Variants in TAOK3 observed in about 807,000 individuals in gnomAD.
The protein encoded by TAOK3 is serine/threonine-protein kinase TAO3.
In TAOK3, 40 loss-of-function variants were observed where a neutral mutation model predicts 120.4. The observed-to-expected ratio is 0.33, with a 90% CI of 0.26 to 0.43. TAOK3 has a LOEUF of 0.43. Ranked by LOEUF, TAOK3 falls within the 20% of genes least tolerant of loss-of-function variation. TAOK3 has a pLI of 1.00. For synonymous variants in TAOK3, 355 were observed against 387.5 expected, an observed-to-expected ratio of 0.92 and a Z score of 0.99; for missense variants, 821 against 1,112.1, an observed-to-expected ratio of 0.74 and a Z score of 3.72.
At chr12:118,183,303 C>T (rs1358735481) in intron 14 of TAOK3, among the ~76,000 whole-genome samples, 1 of 152,180 alleles carries the variant, frequency 6.6e-6, no homozygotes, top group Non-Finnish European at 1.5e-5. Context: ...CAAGAGAGTG[C>T]TGTTCTGTAA....
At chr12:118,210,276 G>A (rs979970713) in intron 11 of TAOK3, among the ~76,000 whole-genome samples, 4 of 152,062 alleles carry the variant, frequency 2.6e-5, no homozygotes, top group Non-Finnish European at 5.9e-5. Flanking sequence ...GGAAAGCGCC[G>A]AAAGGTTGCA....
chr12:118,310,882 G>A (rs2043235188), intron 1 of TAOK3, among the ~76,000 whole-genome samples: 1 of 152,004 alleles, frequency 6.6e-6, no homozygotes, highest in African/African-American at 2.4e-5. Context: ...AGGGCAGTGG[G>A]AAAACTAATC....
intron 1 of TAOK3, among the ~76,000 whole-genome samples, chr12:118,331,827 ATTT>A (rs1279110025): frequency 2.8e-5 from 4 of 142,144 alleles, no homozygotes; most frequent in Non-Finnish European, 4.6e-5. Context: ...AAATACATGA[ATTT>A]TTTTTTTTTT....
At chr12:118,306,057 T>C (rs1331017976) in intron 1 of TAOK3, among the ~76,000 whole-genome samples, 4 of 152,186 alleles carry the variant, frequency 2.6e-5, no homozygotes, top group Non-Finnish European at 4.4e-5. Flanking sequence ...ATAAAGAATG[T>C]AGAAAGGATT....
chr12:118,258,742 T>C (rs780170412), intron 2 of TAOK3, among the ~76,000 whole-genome samples: 42 of 151,904 alleles, frequency 2.8e-4, no homozygotes, highest in Non-Finnish European at 5.9e-5. Flanking sequence ...AAAAGCATTT[T>C]GATTTTATTG....
At chr12:118,341,151 C>T (rs143967375) in intron 1 of TAOK3, among the ~76,000 whole-genome samples, 68 of 152,042 alleles carry the variant, frequency 4.5e-4, no homozygotes, top group African/African-American at 1.5e-3. Context: ...AGGCACCTGC[C>T]GCCATGCCTG....
chr12:118,242,882 A>ACAAACAAAATAT (rs1555229407), intron 5 of TAOK3, among the ~76,000 whole-genome samples: 2 of 148,982 alleles, frequency 1.3e-5, no homozygotes, highest in South Asian at 4.2e-4. Flanking sequence ...AAACAAACAA[A>ACAAACAAAATAT]ATATATATAT....
chr12:118,174,939 G>T (rs1313810557), intron 16 of TAOK3, among the ~76,000 whole-genome samples: 1 of 152,174 alleles, frequency 6.6e-6, no homozygotes, highest in Admixed American at 6.5e-5. Context: ...TGGGATTACA[G>T]GCATGAGCCA....
Position 118,350,345 on chromosome 12 carries a change from C to T in TAOK3, c.-194+22303G>A, listed in dbSNP as rs116547617. Among the ~76,000 whole-genome samples, 207 of 152,034 alleles carry T rather than the reference C, an allele frequency of 1.4e-3. 1 individual carries two copies. Among genetic ancestry groups the T allele is most frequent in the African/African-American group, 4.8e-3 (200 of 41,342 alleles). Reference sequence around the variant, plus strand: ...GTTCTGCCACAGATCTTGAACAAACCACCTAACCTCTCTGAACATCAGTAT... The same window carrying T: ...GTTCTGCCACAGATCTTGAACAAACTACCTAACCTCTCTGAACATCAGTAT... On this transcript the variant is annotated intron_variant, in intron 1 of 20. Transcript: ENST00000392533.
chr12:118,238,409 T>C (rs1412959879), intron 6 of TAOK3, among the ~76,000 whole-genome samples: 1 of 152,194 alleles, frequency 6.6e-6, no homozygotes, highest in African/African-American at 2.4e-5. Context: ...CCTTAAATGA[T>C]GCATTGTTAA....
At chr12:118,252,741 ACAGAGT>A (rs1358112821) in intron 3 of TAOK3, among the ~76,000 whole-genome samples, 1 of 140,876 alleles carries the variant, frequency 7.1e-6, no homozygotes, top group East Asian at 2.1e-4. Context: ...TTTTTTTGAG[ACAGAGT>A]CTCACTCTGT....
At chr12:118,250,287 C>T (rs2040692858) in intron 3 of TAOK3, among the ~76,000 whole-genome samples, 1 of 152,072 alleles carries the variant, frequency 6.6e-6, no homozygotes, top group Non-Finnish European at 1.5e-5. Context: ...AAATTACTTA[C>T]GTAAATCCAA....
chr12:118,354,192 A>G (rs780768633), intron 1 of TAOK3, among the ~76,000 whole-genome samples: 3 of 152,218 alleles, frequency 2.0e-5, no homozygotes, highest in East Asian at 1.9e-4. Flanking sequence ...CCTTTCCTAT[A>G]TATACATAAC....
chr12:118,318,696 A>C (rs2043577036), intron 1 of TAOK3, among the ~76,000 whole-genome samples: 1 of 152,202 alleles, frequency 6.6e-6, no homozygotes, highest in Non-Finnish European at 1.5e-5. Flanking sequence ...TTAAAATTAG[A>C]ACTACGATAT....
intron 1 of TAOK3, among the ~76,000 whole-genome samples, chr12:118,286,384 A>G (rs1365133402): frequency 6.6e-6 from 1 of 152,232 alleles, no homozygotes; most frequent in East Asian, 1.9e-4. Context: ...GCAAGAAAAA[A>G]ACAAACAATT....
chr12:118,232,606 A>G (rs900247133), intron 9 of TAOK3, among the ~76,000 whole-genome samples: 3 of 152,126 alleles, frequency 2.0e-5, no homozygotes, highest in African/African-American at 7.2e-5. Context: ...AACTCCTTCA[A>G]TTAAATTAAT....
Position 118,368,873 on chromosome 12 carries a change from A to G in TAOK3, c.-194+3775T>C, listed in dbSNP as rs377440928. On this transcript the variant is annotated intron_variant, in intron 1 of 20. Coordinates refer to ENST00000392533, the MANE Select transcript of TAOK3 (RefSeq NM_016281.4). ...GAAAATAAAAAGTTTAAATAAACAA[A>G]AGGGCTGAGGATAGTGGGTTTATGC... 5.3e-5 allele frequency among the ~76,000 whole-genome samples: 8 copies of G among 151,612 alleles called. No homozygotes were observed. The East Asian group carries it at 1.2e-3, about 22-fold the overall frequency.
intron 1 of TAOK3, among the ~76,000 whole-genome samples, chr12:118,287,857 C>T (rs1441479055): frequency 6.6e-6 from 1 of 152,176 alleles, no homozygotes; most frequent in East Asian, 1.9e-4. Context: ...ACACCTTTAG[C>T]CTCTGCAAAT....
At chr12:118,152,526 C>T (rs2034523432) in intron 19 of TAOK3, 117 bp from the exon 20 acceptor site, 1 of 984,146 alleles carries the variant, frequency 1.0e-6, no homozygotes, top group Admixed American at 2.4e-5. Flanking sequence ...TGGTTGCCCC[C>T]TCAAAAACAC....
Sources: gnomAD v4.1 joint callset for allele counts (sites outside exome capture counted in the v4.1 genomes callset) on GRCh38, gnomAD v4.1.1 for gene constraint, MANE v1.5 for transcripts, NCBI Gene and HGNC (gene_info 2026-07-23, HGNC 2026-07-21) for gene names.